The following TBC1D2B variants were observed in gnomAD, a reference collection of about 807,000 sequenced individuals.
The protein encoded by TBC1D2B is TBC1 domain family member 2B.
A neutral mutation model predicts 100.8 loss-of-function variants in TBC1D2B; 64 were observed. The observed-to-expected ratio is 0.64, with a 90% CI of 0.52 to 0.78. The LOEUF is 0.78. Among genes scored for constraint, TBC1D2B ranks in the 30% least tolerant of loss-of-function variants. TBC1D2B has a pLI of 0.00. For missense variants in TBC1D2B, 1,052 were observed against 1,218.4 expected (o/e 0.86, Z 2.03); for synonymous variants, 480 against 479.7 (o/e 1.00, Z -0.01).
intron 2 of TBC1D2B, among the ~76,000 whole-genome samples, chr15:78,048,026 G>C (rs1008074542): frequency 3.3e-5 from 5 of 152,192 alleles, no homozygotes; most frequent in Admixed American, 3.3e-4. Context: ...GCAAGGTGAT[G>C]AACGGCCCCT....
chr15:78,057,888 G>A (rs1443642660), intron 1 of TBC1D2B, among the ~76,000 whole-genome samples: 1 of 152,166 alleles, frequency 6.6e-6, no homozygotes, highest in Admixed American at 6.5e-5. Context: ...AAGCCTCTGC[G>A]TTTTTTATCT....
chr15:78,017,240 G>C (rs1335978455), intron 7 of TBC1D2B: 1 of 154,500 alleles, frequency 6.5e-6, no homozygotes, highest in African/African-American at 2.4e-5. Flanking sequence ...AAGTATATCA[G>C]GTATATAACA....
Position 77,998,082 on chromosome 15 carries a change from T to C in TBC1D2B, c.*78A>G. The C allele has an allele frequency of 7.4e-7, 1 of 1,354,110 alleles. No homozygotes were observed. Among genetic ancestry groups the C allele is most frequent in the Non-Finnish European group, 9.9e-7 (1 of 1,014,014 alleles). 83.9% of individuals were successfully genotyped at this position (1,354,110 alleles called of 1,614,324 possible). ...ATCCCCAGAGGACACACACGTTACATTCTGGCTTTTAAGTGCACTTTCACC... is the reference window on the plus strand; with the variant it reads ...ATCCCCAGAGGACACACACGTTACACTCTGGCTTTTAAGTGCACTTTCACC... On this transcript the variant is annotated 3_prime_UTR_variant, in exon 13 of 13. Coordinates refer to ENST00000300584, the MANE Select transcript of TBC1D2B (RefSeq NM_144572.2).
intron 3 of TBC1D2B, among the ~76,000 whole-genome samples, chr15:78,044,383 A>T (rs997769665): frequency 1.1e-4 from 16 of 152,174 alleles, no homozygotes; most frequent in Non-Finnish European, 5.9e-5. Flanking sequence ...ACTTGAGCCC[A>T]GGACTTGAGA....
At chr15:78,039,456 T>C (rs932837833) in intron 3 of TBC1D2B, among the ~76,000 whole-genome samples, 3 of 152,172 alleles carry the variant, frequency 2.0e-5, no homozygotes, top group African/African-American at 7.2e-5. Context: ...CGGGGCCAAC[T>C]GCAGGGCCCG....
At chr15:78,062,027 G>A (rs1455120110) in intron 1 of TBC1D2B, among the ~76,000 whole-genome samples, 1 of 152,126 alleles carries the variant, frequency 6.6e-6, no homozygotes, top group Admixed American at 6.5e-5. Context: ...ACTAGACGAG[G>A]AAAACAAAAC....
intron 1 of TBC1D2B, among the ~76,000 whole-genome samples, chr15:78,055,395 A>C (rs2073401465): frequency 1.3e-5 from 2 of 152,194 alleles, no homozygotes; most frequent in African/African-American, 4.8e-5. Context: ...GTATGGGTCA[A>C]GGTCTCCAGG....
At chr15:78,065,303 C>A (rs1193486796) in intron 1 of TBC1D2B, among the ~76,000 whole-genome samples, 1 of 152,186 alleles carries the variant, frequency 6.6e-6, no homozygotes, top group Admixed American at 6.5e-5. Context: ...ACAACTAGAA[C>A]AAAGAAGAGC....
chr15:78,013,441 A>G, intron 8 of TBC1D2B, 124 bp from the exon 9 acceptor site: 1 of 921,178 alleles, frequency 1.1e-6, no homozygotes, highest in Admixed American at 2.9e-5. Flanking sequence ...TATGAGAAGC[A>G]TTTCAAATCA....
chr15:78,070,586 C>T (rs1171189974), intron 1 of TBC1D2B, among the ~76,000 whole-genome samples: 1 of 152,226 alleles, frequency 6.6e-6, no homozygotes, highest in African/African-American at 2.4e-5. Flanking sequence ...TGAACTACAG[C>T]CTGCGGTCAT....
chr15:78,023,490 GC>G (rs1182212777), intron 6 of TBC1D2B, among the ~76,000 whole-genome samples: 1 of 152,198 alleles, frequency 6.6e-6, no homozygotes, highest in Non-Finnish European at 1.5e-5. Context: ...TCTCACAAAT[GC>G]TGTGTGTTCC....
At chr15:78,068,235 T>C (rs1268568036) in intron 1 of TBC1D2B, among the ~76,000 whole-genome samples, 3 of 152,058 alleles carry the variant, frequency 2.0e-5, no homozygotes, top group Non-Finnish European at 1.5e-5. Context: ...AACACTACAG[T>C]TTCTTAAATC....
chr15:78,066,173 A>C, intron 1 of TBC1D2B: 1 of 442,248 alleles, frequency 2.3e-6, no homozygotes, highest in Non-Finnish European at 4.8e-6. Flanking sequence ...CATGATCAGC[A>C]AAGGGGACAG....
Position 78,025,445 on chromosome 15 carries a change from T to C in TBC1D2B, c.900A>G (p.Gly300=), listed in dbSNP as rs759727078. 1 of 1,613,952 alleles carries C rather than the reference T, an allele frequency of 6.2e-7. No individual in the cohort carries two copies. The highest frequency in any genetic ancestry group is 1.1e-5 in the South Asian group (1 of 91,078). ...PFDFGRNPYK[G]KRPLKDIIGS... ...CAATTATGTCTTTCAAAGGGCGCTTTCCTTTGTAGGGGTTACGTCCAAAAT... is the reference window on the plus strand; with the variant it reads ...CAATTATGTCTTTCAAAGGGCGCTTCCCTTTGTAGGGGTTACGTCCAAAAT... Residue 300 remains glycine (G), a synonymous_variant, in exon 5 of 13, where the codon GGA becomes GGG. Coordinates refer to ENST00000300584, the MANE Select transcript of TBC1D2B (RefSeq NM_144572.2).
intron 3 of TBC1D2B, among the ~76,000 whole-genome samples, chr15:78,041,902 TTCA>T (rs547239388): frequency 2.6e-4 from 39 of 152,226 alleles, no homozygotes; most frequent in Non-Finnish European, 4.8e-4. Context: ...CACATATGAA[TTCA>T]TCATCATGCT....
intron 3 of TBC1D2B, among the ~76,000 whole-genome samples, chr15:78,032,668 T>TAA (rs140340266): frequency 1.4e-5 from 2 of 146,070 alleles, no homozygotes; most frequent in Non-Finnish European, 3.0e-5. Context: ...CATAGAAAAT[T>TAA]AAAAAAAAAA....
chr15:78,013,252 T>C lies in TBC1D2B; in HGVS notation c.1841A>G (p.Lys614Arg), dbSNP rs143151049. Reference sequence around the variant, plus strand: ...AGTCTTCAGATCCAACGCGCGGACCTTGGCAACCAATTTCTCTTCCTCATC... The same window carrying C: ...AGTCTTCAGATCCAACGCGCGGACCCTGGCAACCAATTTCTCTTCCTCATC... ...EDDEEEKLVA[K>R]VRALDLKTLY... The change falls in exon 9 of 13, where the codon AAG becomes AGG. Residue 614 changes from lysine to arginine, a missense_variant. By Grantham distance (26) the Lys-to-Arg change is conservative. Transcript: ENST00000300584. 738 of 1,614,048 alleles carry C rather than the reference T, an allele frequency of 4.6e-4. 11 individuals are homozygous for C. The South Asian group carries it at 7.7e-3, about 17-fold the overall frequency.
rs1024515020 is a variant in TBC1D2B at position 78,024,530 on chromosome 15, G to C, written c.1096C>G (p.Arg366Gly). 4 of 1,608,582 alleles carry C rather than the reference G, an allele frequency of 2.5e-6. No individual in the cohort carries two copies. The highest frequency in any genetic ancestry group is 2.2e-5 in the East Asian group (1 of 44,762). The stretch of plus-strand genomic sequence containing the variant: ...GACCGGACTGTCTGCTGGAGCAGTC[G>C]AACAAGCTCCTGGGAGCCAAAAGGA... ...KDLSSQKELVRLLQQTVRSSQ... is the reference protein window; with the variant it reads ...KDLSSQKELVGLLQQTVRSSQ... The change falls in exon 6 of 13, where the codon CGA (arginine) becomes GGA (glycine). Residue 366 changes from arginine to glycine, a missense_variant. Physicochemically the swap from Arg to Gly is moderately radical, Grantham distance 125. Transcript: ENST00000300584.
In TBC1D2B at chr15:78,040,168, CCT is replaced by C. The variant is rs151098185; in HGVS notation, c.683+4730_683+4731del. Among the ~76,000 whole-genome samples the C allele has an allele frequency of 1.0e-4, 16 of 152,392 alleles. No individual in the cohort carries two copies. The East Asian group carries it at 2.5e-3, about 24-fold the overall frequency. ...TCACTCTTGCTTGCGCACTCCCACC[CCT>C]GAGTATGCACATACACACATGGACT... On this transcript the variant is annotated intron_variant, in intron 3 of 12. Transcript: ENST00000300584.
Sources: allele counts gnomAD v4.1 joint callset (sites outside exome capture counted in the v4.1 genomes callset), GRCh38; gene constraint gnomAD v4.1.1; transcripts MANE v1.5; gene names NCBI Gene and HGNC (gene_info 2026-07-23, HGNC 2026-07-21).